Variants in INPP4B observed in about 807,000 individuals in gnomAD.
INPP4B encodes the protein inositol polyphosphate-4-phosphatase type II B.
Under a neutral mutation model 122.5 loss-of-function variants are expected in INPP4B, and 55 were observed. The observed-to-expected ratio is 0.45, with a 90% CI of 0.36 to 0.56. The LOEUF (loss-of-function observed/expected upper bound fraction) is 0.56, where lower values mean the gene tolerates loss of function less well. Ranked by LOEUF, INPP4B falls within the 20% of genes least tolerant of loss-of-function variation. The pLI, the probability that INPP4B is intolerant of heterozygous loss-of-function variation, is 0.00. For missense variants in INPP4B, 1,000 were observed against 1,097.7 expected (o/e 0.91, Z 1.26); for synonymous variants, 403 against 388.7 (o/e 1.04, Z -0.43).
At chr4:142,779,358 A>C (rs1214092560) in intron 1 of INPP4B, among the ~76,000 whole-genome samples, 1 of 152,118 alleles carries the variant, frequency 6.6e-6, no homozygotes. Context: ...GTAATTTATA[A>C]ACAAAATTTT....
At chr4:142,319,094 G>A (rs993633699) in intron 7 of INPP4B, among the ~76,000 whole-genome samples, 2 of 152,160 alleles carry the variant, frequency 1.3e-5, no homozygotes, top group African/African-American at 4.8e-5. Flanking sequence ...GTCTGTTGGA[G>A]ATCCAGACCC....
chr4:142,829,208 G>T (rs1024099750), intron 1 of INPP4B, among the ~76,000 whole-genome samples: 2 of 151,762 alleles, frequency 1.3e-5, no homozygotes, highest in African/African-American at 4.8e-5. Flanking sequence ...ATTTTATGTT[G>T]ACTTGGATTC....
chr4:142,685,740 A>G (rs1381300658), intron 2 of INPP4B, among the ~76,000 whole-genome samples: 1 of 152,116 alleles, frequency 6.6e-6, no homozygotes. Flanking sequence ...CCCCTGGGAG[A>G]CAGAGTTAGA....
intron 2 of INPP4B, among the ~76,000 whole-genome samples, chr4:142,485,548 G>C (rs908921844): frequency 4.6e-5 from 7 of 152,092 alleles, no homozygotes; most frequent in African/African-American, 1.7e-4. Flanking sequence ...ATGAATATGG[G>C]CAAATATTAT....
At chr4:142,417,776 G>A (rs137987460) in intron 5 of INPP4B, among the ~76,000 whole-genome samples, 57 of 152,098 alleles carry the variant, frequency 3.7e-4, no homozygotes, top group Middle Eastern at 3.4e-3. Context: ...TTTTTGAGGC[G>A]GTATCAGGAT....
At chr4:142,147,330 T>C (rs1332989961) in intron 17 of INPP4B, among the ~76,000 whole-genome samples, 1 of 152,202 alleles carries the variant, frequency 6.6e-6, no homozygotes, top group Non-Finnish European at 1.5e-5. Context: ...AATCAAGGAA[T>C]AGAAACTAAA....
At chr4:142,511,715 G>A (rs572217790) in intron 2 of INPP4B, among the ~76,000 whole-genome samples, 2 of 152,008 alleles carry the variant, frequency 1.3e-5, no homozygotes, top group Non-Finnish European at 2.9e-5. Context: ...GCTCTCTCAC[G>A]TGATTCCAAT....
intron 7 of INPP4B, among the ~76,000 whole-genome samples, chr4:142,375,397 T>C (rs1254000830): frequency 6.6e-6 from 1 of 151,868 alleles, no homozygotes; most frequent in Non-Finnish European, 1.5e-5. Context: ...TCAATGTTTA[T>C]TTCTCGAGTC....
chr4:142,389,164 T>C (rs1319548034), intron 7 of INPP4B, among the ~76,000 whole-genome samples: 3 of 151,372 alleles, frequency 2.0e-5, no homozygotes, highest in Non-Finnish European at 4.4e-5. Flanking sequence ...GCAGGAGAAT[T>C]GCTTGAAGCT....
intron 9 of INPP4B, among the ~76,000 whole-genome samples, chr4:142,288,872 GTTA>G (rs1755077805): frequency 6.6e-6 from 1 of 152,096 alleles, no homozygotes; most frequent in African/African-American, 2.4e-5. Context: ...CATTCAGTAA[GTTA>G]TTATTACATT....
chr4:142,482,205 T>C (rs1820646212), intron 2 of INPP4B, among the ~76,000 whole-genome samples: 1 of 152,184 alleles, frequency 6.6e-6, no homozygotes, highest in African/African-American at 2.4e-5. Context: ...AGAACACTCT[T>C]GTCCTTCTCT....
At chr4:142,626,570 T>C (rs150480591) in intron 2 of INPP4B, among the ~76,000 whole-genome samples, 1 of 151,994 alleles carries the variant, frequency 6.6e-6, no homozygotes, top group Non-Finnish European at 1.5e-5. Context: ...CTAAGTTCCA[T>C]GTACGAATTA....
chr4:142,148,864 G>A (rs1184052842), intron 17 of INPP4B, among the ~76,000 whole-genome samples: 1 of 152,140 alleles, frequency 6.6e-6, no homozygotes, highest in Admixed American at 6.5e-5. Context: ...ATGTTTAGAG[G>A]ACACAGGAGA....
intron 9 of INPP4B, among the ~76,000 whole-genome samples, chr4:142,275,138 T>C (rs1747773027): frequency 6.6e-6 from 1 of 151,794 alleles, no homozygotes; most frequent in Non-Finnish European, 1.5e-5. Flanking sequence ...ATTAATATTT[T>C]TAGAAGACTA....
At chr4:142,376,927 T>G (rs1792110164) in intron 7 of INPP4B, among the ~76,000 whole-genome samples, 1 of 152,032 alleles carries the variant, frequency 6.6e-6, no homozygotes, top group Non-Finnish European at 1.5e-5. Flanking sequence ...TTTAAATCAT[T>G]TATTTGTTCT....
intron 7 of INPP4B, among the ~76,000 whole-genome samples, chr4:142,402,212 G>A (rs1024520945): frequency 4.6e-5 from 7 of 152,124 alleles, no homozygotes; most frequent in Non-Finnish European, 8.8e-5. Context: ...TCCCTGCCTT[G>A]AAGACACATA....
chr4:142,053,491 T>C (rs1755777485), intron 25 of INPP4B, among the ~76,000 whole-genome samples: 1 of 152,094 alleles, frequency 6.6e-6, no homozygotes, highest in South Asian at 2.1e-4. Flanking sequence ...CTAGTATCAT[T>C]GTTCTGCTGG....
intron 9 of INPP4B, among the ~76,000 whole-genome samples, chr4:142,301,587 C>T (rs113339510): frequency 3.3e-5 from 5 of 152,324 alleles, no homozygotes; most frequent in African/African-American, 1.2e-4. Context: ...AAGTACCTCA[C>T]ATATTCCTTG....
At chr4:142,087,160 G>T (rs1402949969) in intron 23 of INPP4B, among the ~76,000 whole-genome samples, 2 of 152,072 alleles carry the variant, frequency 1.3e-5, no homozygotes, top group Non-Finnish European at 2.9e-5. Context: ...GCTTTCCCAA[G>T]GTAACAGTAA....
Sources: allele counts gnomAD v4.1 joint callset (sites outside exome capture counted in the v4.1 genomes callset), GRCh38; gene constraint gnomAD v4.1.1; transcripts MANE v1.5; gene names NCBI Gene and HGNC (gene_info 2026-07-23, HGNC 2026-07-21).